Variants in MAZ observed in about 807,000 individuals in gnomAD.
MAZ encodes the protein MYC associated zinc finger protein, also known as myc-associated zinc finger protein.
Under a neutral mutation model 32.7 loss-of-function variants are expected in MAZ, and 4 were observed. That is an observed-to-expected ratio of 0.12 (90% CI 0.06 to 0.28). MAZ has a LOEUF of 0.28. Among genes scored for constraint, MAZ ranks in the 10% least tolerant of loss-of-function variants. The probability of loss-of-function intolerance (pLI) is 1.00; values close to 1 mark genes in which losing one functional copy is unlikely to be tolerated. For synonymous variants in MAZ, 510 were observed against 297.6 expected, an observed-to-expected ratio of 1.71 and a Z score of -7.35; for missense variants, 763 against 667.2, an observed-to-expected ratio of 1.14 and a Z score of -1.58.
intron 4 of MAZ, chr16:29,809,498 G>T (rs769808126): frequency 2.4e-6 from 3 of 1,244,972 alleles, no homozygotes; most frequent in South Asian, 2.4e-5. Context: ...TGGGGTCTCC[G>T]CCTGGCTGAC....
At chr16:29,809,303 G>A (rs1899764829) in intron 4 of MAZ, 3 of 559,550 alleles carry the variant, frequency 5.4e-6, no homozygotes, top group South Asian at 2.3e-5. Flanking sequence ...CGGCCATGGA[G>A]AATGAGTTCT....
Position 29,806,559 on chromosome 16 carries a change from C to T in MAZ, c.-143C>T. 2 of 923,334 alleles carry T rather than the reference C, an allele frequency of 2.2e-6. No homozygotes were observed. Among genetic ancestry groups the T allele is most frequent in the Non-Finnish European group, 2.6e-6 (2 of 780,932 alleles). The allele number at this position is 923,334 out of a possible 1,614,324, so 57.2% of individuals were successfully genotyped here. A position where few individuals can be genotyped will look rare whatever the true frequency, so the allele number is the denominator to read the frequency against. On this transcript the variant is annotated 5_prime_UTR_variant, in exon 1 of 5. Transcript: ENST00000322945. ...TTCCTCCCTCCCGCCGGCCGGGGTG[C>T]GCGGGCGGCGGGGCGGCCCGCGGGC...
Position 29,810,820 on chromosome 16 carries a change from C to T in MAZ, c.*589C>T. The T allele has an allele frequency of 2.9e-6, 1 of 346,052 alleles. No homozygotes were observed. Among genetic ancestry groups the T allele is most frequent in the South Asian group, 2.3e-5 (1 of 44,172 alleles). The allele number at this position is 346,052 out of a possible 1,614,324, so 21.4% of individuals were successfully genotyped here. A position where few individuals can be genotyped will look rare whatever the true frequency, so the allele number is the denominator to read the frequency against. ...TGGGGGGTTGGGGTCAGGCCCTGAA[C>T]ATCGTCCTACTTGAGAATCTGTCAG... On this transcript the variant is annotated 3_prime_UTR_variant, in exon 5 of 5. Coordinates refer to ENST00000322945, the MANE Select transcript of MAZ (RefSeq NM_002383.4).
chr16:29,809,962 A>G (rs1240425761), intron 4 of MAZ, 115 bp from the exon 5 acceptor site: 7 of 1,502,378 alleles, frequency 4.7e-6, no homozygotes, highest in Non-Finnish European at 5.4e-6. Context: ...TGGGGTCCAG[A>G]TAGGAAGTGA....
At chr16:29,809,485 C>A in intron 4 of MAZ, 2 of 1,156,656 alleles carry the variant, frequency 1.7e-6, no homozygotes, top group Non-Finnish European at 2.6e-6. Flanking sequence ...TCAGCCCCGT[C>A]TCTGGGGTCT....
In MAZ at chr16:29,808,643, G is replaced by GTCA; in HGVS notation, c.1182_1184dup (p.His395dup). The GTCA allele has an allele frequency of 6.2e-7, 1 of 1,613,880 alleles. No homozygotes were observed. The highest frequency in any genetic ancestry group is 8.5e-7 in the Non-Finnish European group (1 of 1,179,988). Reference sequence around the variant, plus strand: ...GTACGACACGAGGAGAAAGTGCCATGTCACGTGTGTGGCAAGATGCTGAGC... The same window carrying GTCA: ...GTACGACACGAGGAGAAAGTGCCATGTCATCACGTGTGTGGCAAGATGCTGAGC... On this transcript the variant is annotated inframe_insertion, in exon 4 of 5. Coordinates refer to ENST00000322945, the MANE Select transcript of MAZ (RefSeq NM_002383.4).
rs200279675 is a variant in MAZ at position 29,807,313 on chromosome 16, C to T, written c.528C>T (p.Val176=). 1,226 of 1,594,660 alleles carry T rather than the reference C, an allele frequency of 7.7e-4. 2 individuals carry two copies. Among genetic ancestry groups the T allele is most frequent in the Middle Eastern group, 1.5e-3 (9 of 6,046 alleles). Residue 176 remains valine (V), a synonymous_variant, in exon 2 of 5, where the codon GTC becomes GTT. Transcript: ENST00000322945. The stretch of plus-strand genomic sequence containing the variant: ...CCTCGACGGTCGCCGTGGCCCCGGT[C>T]GCGTCTGCCTTGGAGAAGAAGACAA... ...APTSTVAVAP[V]ASALEKKTKS...
At position 29,811,109 on chromosome 16, in the gene MAZ, C is replaced by T. The variant is rs1311085465; in HGVS notation, c.*878C>T. ...CTGTGTCCCCTGCATGTACCCCACC[C>T]TCCACCCCTTCCTTTTGCGCGGACC... On this transcript the variant is annotated 3_prime_UTR_variant, in exon 5 of 5. Transcript: ENST00000322945. The T allele has an allele frequency of 4.4e-6, 2 of 450,394 alleles. No individual in the cohort carries two copies. Among genetic ancestry groups the T allele is most frequent in the Admixed American group, 2.4e-5 (1 of 41,856 alleles). The allele number at this position is 450,394 out of a possible 1,614,324, so 27.9% of individuals were successfully genotyped here.
Position 29,807,953 on chromosome 16 carries a change from G to C in MAZ, c.1043+125G>C, listed in dbSNP as rs1899626940. On this transcript the variant is annotated intron_variant, in intron 2 of 4. Transcript: ENST00000322945. The stretch of plus-strand genomic sequence containing the variant: ...GCTGGGGAAGGGGAGCCACTCCCAG[G>C]GCGGAGGGAGGAAGCCTCTCCCGGT... The C allele has an allele frequency of 2.7e-6, 4 of 1,468,010 alleles. No individual in the cohort carries two copies. In the Admixed American group the frequency reaches 6.7e-5, roughly 25 times the overall value. The allele number at this position is 1,468,010 out of a possible 1,614,324, so 90.9% of individuals were successfully genotyped here.
chr16:29,807,245 G>T lies in MAZ; in HGVS notation c.460G>T (p.Ala154Ser). The T allele has an allele frequency of 7.1e-7, 1 of 1,416,012 alleles. No homozygotes were observed. Among genetic ancestry groups the T allele is most frequent in the South Asian group, 1.6e-5 (1 of 63,104 alleles). 87.7% of individuals were successfully genotyped at this position (1,416,012 alleles called of 1,614,324 possible). A position where few individuals can be genotyped will look rare whatever the true frequency, so the allele number is the denominator to read the frequency against. Residue 154 changes from alanine to serine, a missense_variant, in exon 2 of 5, where the codon GCC (alanine) becomes TCC (serine). Ala to Ser is a moderately conservative substitution (Grantham distance 99). Coordinates refer to ENST00000322945, the MANE Select transcript of MAZ (RefSeq NM_002383.4). ...CGAGGCCGCGCCCCCCGCCTCCGCC[G>T]CCACTATCGCCGCGGCGGCGGCCAC... ...AAEAAPPASA[A>S]TIAAAAATAV... is the part of the protein sequence containing the mutation.
chr16:29,809,947 G>A, intron 4 of MAZ, 130 bp from the exon 5 acceptor site: 3 of 1,431,752 alleles, frequency 2.1e-6, no homozygotes, highest in African/African-American at 2.9e-5. Flanking sequence ...GCAGGCTGAG[G>A]CCTCTGGGGT....
Position 29,806,532 on chromosome 16 carries a change from T to C in MAZ, c.-170T>C, listed in dbSNP as rs112819698. 767,572 of 768,930 alleles carry C rather than the reference T, an allele frequency of 1. 383,127 individuals are homozygous for C. Among genetic ancestry groups the C allele is most frequent in the Middle Eastern group, 1 (1,462 of 1,462 alleles). 47.6% of individuals were successfully genotyped at this position (768,930 alleles called of 1,614,324 possible). A position where few individuals can be genotyped will look rare whatever the true frequency, so the allele number is the denominator to read the frequency against. On this transcript the variant is annotated 5_prime_UTR_variant, in exon 1 of 5. Coordinates refer to ENST00000322945, the MANE Select transcript of MAZ (RefSeq NM_002383.4). ...GCTCCGCGGCCCGCAAGGCGCCCTC[T>C]TTTCCTCCCTCCCGCCGGCCGGGGT...
At position 29,806,887 on chromosome 16, in the gene MAZ, A is replaced by C; in HGVS notation, c.186A>C (p.Pro62=). The C allele has an allele frequency of 7.3e-7, 1 of 1,377,794 alleles. No individual in the cohort carries two copies. The highest frequency in any genetic ancestry group is 1.6e-5 in the African/African-American group (1 of 63,690). 85.3% of individuals were successfully genotyped at this position (1,377,794 alleles called of 1,614,324 possible). A position where few individuals can be genotyped will look rare whatever the true frequency, so the allele number is the denominator to read the frequency against. ...FFASQGCAQS[P]FQAAPAPPPT... Reference sequence around the variant, plus strand: ...CCTCCCAGGGCTGCGCCCAGAGTCCATTCCAGGTGAGTAGGGCCGGCCGCG... The same window carrying C: ...CCTCCCAGGGCTGCGCCCAGAGTCCCTTCCAGGTGAGTAGGGCCGGCCGCG... The change falls in exon 1 of 5, where the codon CCA becomes CCC. Residue 62 remains proline (P), a synonymous_variant. Transcript: ENST00000322945.
chr16:29,809,409 A>G (rs1239354273), intron 4 of MAZ: 2 of 664,156 alleles, frequency 3.0e-6, no homozygotes, highest in Non-Finnish European at 5.4e-6. Context: ...AGTTGGCCCC[A>G]GGCTACCAAG....
Position 29,806,738 on chromosome 16 carries a change from C to G in MAZ, c.37C>G (p.Pro13Ala), listed in dbSNP as rs1899483612. Residue 13 changes from proline (P) to alanine (A), a missense_variant, in exon 1 of 5, where the codon CCC (proline) becomes GCC (alanine). Coordinates refer to ENST00000322945, the MANE Select transcript of MAZ (RefSeq NM_002383.4). The part of the protein sequence containing the change: ...PVFPCTLLAP[P>A]FPVLGLDSRG... ...GTTTCCTTGCACGCTGCTGGCCCCC[C>G]CCTTCCCCGTGCTGGGCCTGGACTC... 5 of 1,396,712 alleles carry G rather than the reference C, an allele frequency of 3.6e-6. No individual in the cohort carries two copies. The highest frequency in any genetic ancestry group is 3.8e-6 in the Non-Finnish European group (4 of 1,058,346). The allele number at this position is 1,396,712 out of a possible 1,614,324, so 86.5% of individuals were successfully genotyped here. A position where few individuals can be genotyped will look rare whatever the true frequency, so the allele number is the denominator to read the frequency against.
At chr16:29,809,575 G>C in intron 4 of MAZ, 1 of 1,612,584 alleles carries the variant, frequency 6.2e-7, no homozygotes, top group South Asian at 1.1e-5. Context: ...CATCCACGCG[G>C]TGAAGGACCA....
intron 4 of MAZ, chr16:29,809,162 C>T (rs776508177): frequency 8.2e-5 from 40 of 490,208 alleles, no homozygotes; most frequent in Non-Finnish European, 9.7e-5. Context: ...AAGCTGCCTT[C>T]AGTCAGACTC....
rs1289800512 is a variant in MAZ, at chr16:29,810,542, C to G, written c.*311C>G. ...CCGTACCCCCTCTCCTCTCTGTAAG[C>G]CCATGCCCTGTCTTCCCAGGGACTT... On this transcript the variant is annotated 3_prime_UTR_variant, in exon 5 of 5. Transcript: ENST00000322945. The G allele has an allele frequency of 1.4e-6, 1 of 700,962 alleles. No individual in the cohort carries two copies. Among genetic ancestry groups the G allele is most frequent in the South Asian group, 1.5e-5 (1 of 66,740 alleles). The allele number at this position is 700,962 out of a possible 1,614,324, so 43.4% of individuals were successfully genotyped here. A position where few individuals can be genotyped will look rare whatever the true frequency, so the allele number is the denominator to read the frequency against.
rs748109676 is a variant in MAZ, at chr16:29,810,237, A to C, written c.*6A>C. 1.3e-6 allele frequency: 2 copies of C among 1,582,680 alleles called. No individual in the cohort carries two copies. Among genetic ancestry groups the C allele is most frequent in the Non-Finnish European group, 1.7e-6 (2 of 1,164,352 alleles). On this transcript the variant is annotated 3_prime_UTR_variant, in exon 5 of 5. Transcript: ENST00000322945. ...TTCCCTCCCAACCCTGGTGAGCTCCAAGTTGGTTGCGGGGGAGAGGGGAGA... is the reference window on the plus strand; with the variant it reads ...TTCCCTCCCAACCCTGGTGAGCTCCCAGTTGGTTGCGGGGGAGAGGGGAGA...
Sources: gnomAD v4.1 joint callset for allele counts on GRCh38, gnomAD v4.1.1 for gene constraint, MANE v1.5 for transcripts, NCBI Gene and HGNC (gene_info 2026-07-23, HGNC 2026-07-21) for gene names.